TCF7L1: variants seen among roughly 807,000 people sequenced by gnomAD.
TCF7L1 encodes the protein transcription factor 7 like 1.
TCF7L1 carries 18 observed loss-of-function variants against 63.7 expected under a neutral mutation model. The ratio of observed to expected loss-of-function variants is 0.28; its 90% CI spans 0.20 to 0.42. The LOEUF (loss-of-function observed/expected upper bound fraction) is 0.42, where lower values mean the gene tolerates loss of function less well. TCF7L1 is among the 10% of genes least tolerant of loss of function. TCF7L1 has a pLI of 1.00. For missense variants in TCF7L1, 654 were observed against 779.3 expected (o/e 0.84, Z 1.91); for synonymous variants, 355 against 340.9 (o/e 1.04, Z -0.46).
chr2:85,174,498 C>T (rs1033308598), intron 3 of TCF7L1, among the ~76,000 whole-genome samples: 1 of 152,128 alleles, frequency 6.6e-6, no homozygotes, highest in Non-Finnish European at 1.5e-5. Context: ...GCCCACCTGG[C>T]AGGTGGGTAT....
rs528905494 is a variant in TCF7L1 at position 85,309,743 on chromosome 2, G to A, written c.*281G>A. 78 of 360,734 alleles carry A rather than the reference G, an allele frequency of 2.2e-4. No individual in the cohort carries two copies. The highest frequency in any genetic ancestry group is 1.5e-3 in the African/African-American group (74 of 47,780). The allele number at this position is 360,734 out of a possible 1,614,324, so 22.3% of individuals were successfully genotyped here. A position where few individuals can be genotyped will look rare whatever the true frequency, so the allele number is the denominator to read the frequency against. ...GTAGGTGCTGTGGTGGATGGACCTG[G>A]GCAGAGGGCACTTCTCTCTCTTACC... On this transcript the variant is annotated 3_prime_UTR_variant, in exon 12 of 12. Coordinates refer to ENST00000282111, the MANE Select transcript of TCF7L1 (RefSeq NM_031283.3).
At chr2:85,160,015 C>T (rs1263903762) in intron 3 of TCF7L1, among the ~76,000 whole-genome samples, 1 of 152,234 alleles carries the variant, frequency 6.6e-6, no homozygotes, top group African/African-American at 2.4e-5. Flanking sequence ...GTCCCATCTC[C>T]AGCCAGTGCT....
intron 3 of TCF7L1, among the ~76,000 whole-genome samples, chr2:85,194,494 A>T (rs1679107609): frequency 6.6e-6 from 1 of 152,182 alleles, no homozygotes; most frequent in Admixed American, 6.5e-5. Flanking sequence ...GCCAGGAGAA[A>T]TATGAATTTG....
At chr2:85,190,598 G>T (rs1679021587) in intron 3 of TCF7L1, among the ~76,000 whole-genome samples, 1 of 152,160 alleles carries the variant, frequency 6.6e-6, no homozygotes. Context: ...CTAGGAACAT[G>T]GGGGAATGAA....
intron 3 of TCF7L1, among the ~76,000 whole-genome samples, chr2:85,197,430 G>A (rs1004998384): frequency 6.6e-6 from 1 of 152,112 alleles, no homozygotes; most frequent in Non-Finnish European, 1.5e-5. Flanking sequence ...CGGGAGTGGG[G>A]TGGCACAAAT....
intron 3 of TCF7L1, among the ~76,000 whole-genome samples, chr2:85,183,669 C>A (rs186521338): frequency 1.3e-5 from 2 of 152,244 alleles, no homozygotes; most frequent in East Asian, 3.9e-4. Context: ...ATGTCTGTGC[C>A]GAGCATTCTG....
At chr2:85,205,631 AAGCGATCCTCCCACCTC>A (rs1679390103) in intron 3 of TCF7L1, among the ~76,000 whole-genome samples, 1 of 151,856 alleles carries the variant, frequency 6.6e-6, no homozygotes, top group Admixed American at 6.6e-5. Context: ...TCCCAGGTTC[AAGCGATCCTCCCACCTC>A]AGCCTCCCAA....
chr2:85,274,634 G>C (rs138811066), intron 3 of TCF7L1, among the ~76,000 whole-genome samples: 1 of 152,186 alleles, frequency 6.6e-6, no homozygotes, highest in Non-Finnish European at 1.5e-5. Context: ...CATCTCTTCC[G>C]CGCTGAGCCT....
intron 3 of TCF7L1, among the ~76,000 whole-genome samples, chr2:85,230,317 C>A (rs1358874594): frequency 6.6e-6 from 1 of 152,142 alleles, no homozygotes; most frequent in Non-Finnish European, 1.5e-5. Flanking sequence ...TAGATTTGGG[C>A]TCATTGAGTA....
chr2:85,200,818 A>ATACCTGCGACACTTGAGT (rs571431801), intron 3 of TCF7L1, among the ~76,000 whole-genome samples: 11 of 152,226 alleles, frequency 7.2e-5, no homozygotes, highest in Non-Finnish European at 8.8e-5. Context: ...TAGCTGTTGG[A>ATACCTGCGACACTTGAGT]TACCTGCGAC....
chr2:85,255,819 G>A (rs1680702888), intron 3 of TCF7L1, among the ~76,000 whole-genome samples: 1 of 152,206 alleles, frequency 6.6e-6, no homozygotes, highest in South Asian at 2.1e-4. Flanking sequence ...GCCGCCTGTG[G>A]TGATTCCTGT....
rs564281740 is a variant in TCF7L1, at chr2:85,168,783, G to A, written c.441+34333G>A. Among the ~76,000 whole-genome samples, 390 of 152,140 alleles carry A rather than the reference G, an allele frequency of 2.6e-3. 4 individuals are homozygous for A. The highest frequency in any genetic ancestry group is 8.9e-3 in the African/African-American group (368 of 41,504). On this transcript the variant is annotated intron_variant, in intron 3 of 11. Coordinates refer to ENST00000282111, the MANE Select transcript of TCF7L1 (RefSeq NM_031283.3). ...ACTACAGGCACCCGCTACCACACCC[G>A]GCTAATTTTTGTATTTTAGTAGAGA...
chr2:85,195,062 G>C (rs560139298), intron 3 of TCF7L1, among the ~76,000 whole-genome samples: 1 of 152,344 alleles, frequency 6.6e-6, no homozygotes, highest in Admixed American at 6.5e-5. Flanking sequence ...GCCCTATGGC[G>C]TAGTGGCTGG....
chr2:85,228,810 T>C (rs1680010081), intron 3 of TCF7L1, among the ~76,000 whole-genome samples: 1 of 147,014 alleles, frequency 6.8e-6, no homozygotes, highest in South Asian at 2.2e-4. Context: ...GGTCAGGAGA[T>C]TGAGACCATC....
At chr2:85,238,934 C>T (rs2104321343) in intron 3 of TCF7L1, among the ~76,000 whole-genome samples, 1 of 152,064 alleles carries the variant, frequency 6.6e-6, no homozygotes, top group Non-Finnish European at 1.5e-5. Flanking sequence ...GTTCTTCTGC[C>T]TGAGCCTTCC....
intron 3 of TCF7L1, among the ~76,000 whole-genome samples, chr2:85,216,474 T>C (rs921278980): frequency 6.6e-6 from 1 of 152,160 alleles, no homozygotes; most frequent in Non-Finnish European, 1.5e-5. Context: ...CAGTGAGCAA[T>C]TGGTGATATT....
At chr2:85,208,527 G>A (rs768686717) in intron 3 of TCF7L1, among the ~76,000 whole-genome samples, 4 of 152,142 alleles carry the variant, frequency 2.6e-5, no homozygotes, top group African/African-American at 4.8e-5. Context: ...GCAGAGACCC[G>A]AAGGAAGTGA....
chr2:85,149,672 C>G (rs538220014), intron 3 of TCF7L1, among the ~76,000 whole-genome samples: 20 of 152,206 alleles, frequency 1.3e-4, no homozygotes, highest in Non-Finnish European at 2.9e-4. Flanking sequence ...TTACAGGCAC[C>G]TGTCATTACA....
At chr2:85,198,399 G>A (rs954846001) in intron 3 of TCF7L1, among the ~76,000 whole-genome samples, 3 of 152,174 alleles carry the variant, frequency 2.0e-5, no homozygotes, top group Non-Finnish European at 2.9e-5. Context: ...GTGCAGAGCC[G>A]GAGCTCAGGG....
Sources: allele counts gnomAD v4.1 joint callset (sites outside exome capture counted in the v4.1 genomes callset), GRCh38; gene constraint gnomAD v4.1.1; transcripts MANE v1.5; gene names NCBI Gene and HGNC (gene_info 2026-07-23, HGNC 2026-07-21).